Variants in NXPH1 observed in about 807,000 individuals in gnomAD.
The protein encoded by NXPH1 is neurexophilin 1.
Under a neutral mutation model 23.7 loss-of-function variants are expected in NXPH1, and 5 were observed. The ratio of observed to expected loss-of-function variants is 0.21; its 90% confidence interval spans 0.11 to 0.44. The LOEUF is 0.44. NXPH1 is among the 20% of genes least tolerant of loss of function. NXPH1 has a pLI of 0.99. For synonymous variants in NXPH1, 144 were observed against 122.2 expected (o/e 1.18, Z -1.18); for missense variants, 324 against 321.6 (o/e 1.01, Z -0.06).
chr7:8,565,427 G>GAAA (rs1818524144), intron 2 of NXPH1, among the ~76,000 whole-genome samples: 1 of 151,746 alleles, frequency 6.6e-6, no homozygotes, highest in Non-Finnish European at 1.5e-5. Flanking sequence ...ATCTAGATTT[G>GAAA]TTGCTTAAAT....
chr7:8,604,073 TAAAAA>T (rs201582885), intron 2 of NXPH1, among the ~76,000 whole-genome samples: 5 of 149,354 alleles, frequency 3.3e-5, no homozygotes, highest in African/African-American at 1.2e-4. Flanking sequence ...AGGAAAAAAA[TAAAAA>T]AAAAAGTGGA....
At chr7:8,705,546 T>A (rs11768430) in intron 2 of NXPH1, among the ~76,000 whole-genome samples, 33 of 152,286 alleles carry the variant, frequency 2.2e-4, no homozygotes, top group African/African-American at 7.7e-4. Flanking sequence ...TCCTTGGTCG[T>A]ATTTTGAAGA....
In NXPH1 at chr7:8,561,888, T is replaced by C. The variant is rs146003775; in HGVS notation, c.54+126121T>C. On this transcript the variant is annotated intron_variant, in intron 2 of 2. Transcript: ENST00000405863. ...TGAGAAACAAAAGAACAAAGCAGTATGTGATTTTTTAAAAAAAGTATTGTA... is the reference window on the plus strand; with the variant it reads ...TGAGAAACAAAAGAACAAAGCAGTACGTGATTTTTTAAAAAAAGTATTGTA... Among the ~76,000 whole-genome samples, 548 of 151,800 alleles carry C rather than the reference T, an allele frequency of 3.6e-3. 3 individuals carry two copies. Among genetic ancestry groups the C allele is most frequent in the African/African-American group, 0.013 (531 of 41,486 alleles).
chr7:8,670,079 C>T (rs994584814), intron 2 of NXPH1, among the ~76,000 whole-genome samples: 27 of 152,296 alleles, frequency 1.8e-4, no homozygotes, highest in African/African-American at 6.0e-4. Flanking sequence ...TGAAGATTAT[C>T]AGTAACCCCT....
chr7:8,657,045 T>C (rs1439334368), intron 2 of NXPH1, among the ~76,000 whole-genome samples: 1 of 152,222 alleles, frequency 6.6e-6, no homozygotes, highest in Non-Finnish European at 1.5e-5. Flanking sequence ...CAGTGTTTAT[T>C]GTACTTCTAT....
rs1320898091 is a variant in NXPH1, at chr7:8,509,554, A to C, written c.54+73787A>C. Among the ~76,000 whole-genome samples the C allele has an allele frequency of 4.6e-5, 7 of 152,136 alleles. No homozygotes were observed. The East Asian group carries it at 1.4e-3, about 30-fold the overall frequency. On this transcript the variant is annotated intron_variant, in intron 2 of 2. Coordinates refer to ENST00000405863, the MANE Select transcript of NXPH1 (RefSeq NM_152745.3). The stretch of plus-strand genomic sequence containing the variant: ...TCGTAAGGAAATTGGTAGTCCTCTG[A>C]TTCTTCTGCTCCATTGTATTCCCCC...
chr7:8,503,867 C>A (rs1817478325), intron 2 of NXPH1, among the ~76,000 whole-genome samples: 1 of 152,004 alleles, frequency 6.6e-6, no homozygotes, highest in Non-Finnish European at 1.5e-5. Context: ...CCACTCTCCT[C>A]AGTAATCTCC....
intron 2 of NXPH1, among the ~76,000 whole-genome samples, chr7:8,530,881 G>C (rs1011401284): frequency 6.6e-6 from 1 of 152,208 alleles, no homozygotes; most frequent in Non-Finnish European, 1.5e-5. Flanking sequence ...TTTGTCTGAA[G>C]GGAGGGGGTT....
chr7:8,464,035 C>G (rs1317960847), intron 2 of NXPH1, among the ~76,000 whole-genome samples: 1 of 152,116 alleles, frequency 6.6e-6, no homozygotes, highest in Non-Finnish European at 1.5e-5. Flanking sequence ...TCCTCCTTTT[C>G]TTTGTTCTCT....
chr7:8,674,372 C>T (rs1038305267), intron 2 of NXPH1, among the ~76,000 whole-genome samples: 2 of 152,114 alleles, frequency 1.3e-5, no homozygotes, highest in Admixed American at 6.6e-5. Flanking sequence ...TTGTTTCTCT[C>T]AAAGTATATT....
At chr7:8,642,548 T>A (rs1820333567) in intron 2 of NXPH1, among the ~76,000 whole-genome samples, 1 of 152,194 alleles carries the variant, frequency 6.6e-6, no homozygotes, top group African/African-American at 2.4e-5. Context: ...ACCAAAAATA[T>A]ATAAAAAATA....
intron 2 of NXPH1, among the ~76,000 whole-genome samples, chr7:8,549,382 A>C (rs746470370): frequency 6.6e-6 from 1 of 151,712 alleles, no homozygotes; most frequent in East Asian, 2.0e-4. Context: ...TAACACATGC[A>C]CCACTACTTG....
At position 8,545,586 on chromosome 7, in the gene NXPH1, T is replaced by C. The variant is rs190704142; in HGVS notation, c.54+109819T>C. On this transcript the variant is annotated intron_variant, in intron 2 of 2. Transcript: ENST00000405863. ...ACTAATCTGCAAATAACTTTCTTTT[T>C]CTATGTTTGAAACAAAATACTGTAT... Among the ~76,000 whole-genome samples the C allele has an allele frequency of 3.1e-3, 469 of 151,602 alleles. 5 individuals are homozygous for C. Among genetic ancestry groups the C allele is most frequent in the African/African-American group, 0.011 (436 of 41,472 alleles).
At chr7:8,541,826 T>C (rs1562396425) in intron 2 of NXPH1, among the ~76,000 whole-genome samples, 1 of 151,588 alleles carries the variant, frequency 6.6e-6, no homozygotes, top group South Asian at 2.1e-4. Flanking sequence ...TAAAGATGTA[T>C]AGAGTTAACT....
Position 8,464,362 on chromosome 7 carries a change from T to C in NXPH1, c.54+28595T>C, listed in dbSNP as rs1816743800. On this transcript the variant is annotated intron_variant, in intron 2 of 2. Transcript: ENST00000405863. ...AACAAAGATGCTAGTATGCATCTTT[T>C]TCAAATTATTTGATAGCCATCTGCT... 2.6e-5 allele frequency among the ~76,000 whole-genome samples: 4 copies of C among 152,196 alleles called. No homozygotes were observed. The South Asian group carries it at 8.3e-4, about 32-fold the overall frequency.
At chr7:8,716,737 G>A (rs1779884612) in intron 2 of NXPH1, among the ~76,000 whole-genome samples, 1 of 152,098 alleles carries the variant, frequency 6.6e-6, no homozygotes, top group African/African-American at 2.4e-5. Context: ...AAAAAAACCT[G>A]CAGGGAATAT....
chr7:8,745,570 C>G (rs1780453652), intron 2 of NXPH1, among the ~76,000 whole-genome samples: 2 of 151,854 alleles, frequency 1.3e-5, no homozygotes, highest in African/African-American at 4.8e-5. Context: ...ACTGTCTGCC[C>G]CGAAACAGAG....
At position 8,727,887 on chromosome 7, in the gene NXPH1, G is replaced by A. The variant is rs373032291; in HGVS notation, c.55-23121G>A. On this transcript the variant is annotated intron_variant, in intron 2 of 2. Coordinates refer to ENST00000405863, the MANE Select transcript of NXPH1 (RefSeq NM_152745.3). The stretch of plus-strand genomic sequence containing the variant: ...CAATTCTGTGAAGAAAGTCATTGGT[G>A]GCTTGATGGGGATGGCATTGAATCT... Among the ~76,000 whole-genome samples the A allele has an allele frequency of 7.6e-4, 115 of 151,694 alleles. 1 individual carries two copies. Among genetic ancestry groups the A allele is most frequent in the African/African-American group, 2.5e-3 (102 of 41,342 alleles).
chr7:8,506,146 A>G (rs1484862629), intron 2 of NXPH1, among the ~76,000 whole-genome samples: 2 of 152,104 alleles, frequency 1.3e-5, no homozygotes, highest in Non-Finnish European at 2.9e-5. Context: ...CTATTATAAA[A>G]TTTACCTATT....
Sources: allele counts gnomAD v4.1 joint callset (sites outside exome capture counted in the v4.1 genomes callset), GRCh38; gene constraint gnomAD v4.1.1; transcripts MANE v1.5; gene names NCBI Gene and HGNC (gene_info 2026-07-23, HGNC 2026-07-21).